Variants in TRPM7 observed in about 807,000 individuals in gnomAD.
The protein encoded by TRPM7 is transient receptor potential cation channel subfamily M member 7, also known as LTRPC ion channel family member 7.
Under a neutral mutation model 229.7 loss-of-function variants are expected in TRPM7, and 134 were observed. The ratio of observed to expected loss-of-function variants is 0.58; its 90% CI spans 0.51 to 0.67. The LOEUF (loss-of-function observed/expected upper bound fraction) is 0.67, where lower values mean the gene tolerates loss of function less well. Among genes scored for constraint, TRPM7 ranks in the 30% least tolerant of loss-of-function variants. The probability of loss-of-function intolerance (pLI) is 0.00; values close to 1 mark genes in which losing one functional copy is unlikely to be tolerated. For missense variants in TRPM7, 1,901 were observed against 2,210.0 expected (o/e 0.86, Z 2.80); for synonymous variants, 699 against 715.2 (o/e 0.98, Z 0.36).
At position 50,614,212 on chromosome 15, in the gene TRPM7, T is replaced by C; in HGVS notation, c.1546A>G (p.Ile516Val). 1.2e-6 allele frequency: 2 copies of C among 1,612,620 alleles called. No homozygotes were observed. The highest frequency in any genetic ancestry group is 1.7e-6 in the Non-Finnish European group (2 of 1,179,174). The change falls in exon 14 of 39, where the codon ATT (isoleucine) becomes GTT (valine). Residue 516 changes from isoleucine (I) to valine (V), a missense_variant. This residue lies in a region of TRPM7 where 794 missense variants were observed against 881.9 expected (regional missense o/e 0.90). Transcript: ENST00000646667. ...TAGGTTCCTCCCATGAGATATTCAA[T>C]AACAAGTCCTATATCAATCAGAGTG... ...KITLIDIGLV[I>V]EYLMGGTYRC...
At chr15:50,588,097 T>TC (rs34891484) in intron 27 of TRPM7, 108,779 of 308,842 alleles carry the variant, frequency 0.35, 21,879 homozygotes, top group Admixed American at 0.47. Flanking sequence ...TTATGATAGG[T>TC]CCGCTGAACC....
chr15:50,640,461 T>C (rs1229503697), intron 5 of TRPM7, among the ~76,000 whole-genome samples: 14 of 150,470 alleles, frequency 9.3e-5, no homozygotes, highest in Admixed American at 7.3e-4. Flanking sequence ...TTCTTTTTTT[T>C]TTTTTTTTTA....
chr15:50,623,727 C>T (rs1567031561), intron 12 of TRPM7, among the ~76,000 whole-genome samples: 1 of 137,542 alleles, frequency 7.3e-6, no homozygotes, highest in African/African-American at 2.7e-5. Context: ...GAGTCCTTTA[C>T]AAAAAAAATG....
chr15:50,590,639 A>G (rs948046312), intron 26 of TRPM7, among the ~76,000 whole-genome samples: 3 of 152,218 alleles, frequency 2.0e-5, no homozygotes, highest in African/African-American at 7.2e-5. Context: ...ACATTAACAA[A>G]TAGGCTAAAA....
intron 27 of TRPM7, among the ~76,000 whole-genome samples, chr15:50,587,948 T>C (rs976427017): frequency 3.9e-5 from 6 of 152,184 alleles, no homozygotes. Context: ...TCTAGCACTT[T>C]TTCTCATTCC....
intron 5 of TRPM7, among the ~76,000 whole-genome samples, chr15:50,642,615 C>G (rs1451124596): frequency 1.1e-4 from 16 of 152,154 alleles, no homozygotes; most frequent in Non-Finnish European, 1.0e-4. Flanking sequence ...TAAGAAGGTG[C>G]CTTGCTTCCC....
At chr15:50,644,294 G>A (rs553096198) in intron 4 of TRPM7, among the ~76,000 whole-genome samples, 2 of 151,928 alleles carry the variant, frequency 1.3e-5, no homozygotes, top group Non-Finnish European at 2.9e-5. Flanking sequence ...TTAACTTCCT[G>A]TTTAAGTGAT....
At chr15:50,631,378 T>C (rs1320064920) in intron 10 of TRPM7, 39 bp downstream of exon 10, 1 of 1,317,652 alleles carries the variant, frequency 7.6e-7, no homozygotes, top group Admixed American at 1.8e-5. Flanking sequence ...ATACATAAAA[T>C]AAAAGGTCTT....
chr15:50,590,978 C>T (rs2059475102), intron 26 of TRPM7, among the ~76,000 whole-genome samples: 1 of 152,134 alleles, frequency 6.6e-6, no homozygotes, highest in African/African-American at 2.4e-5. Context: ...TTTCCATGGG[C>T]TTATTAACAT....
intron 15 of TRPM7, 117 bp downstream of exon 15, chr15:50,613,590 T>C (rs956620823): frequency 3.8e-6 from 3 of 799,750 alleles, no homozygotes; most frequent in South Asian, 2.8e-5. Context: ...CTAGGACATA[T>C]CCAAAAACGA....
In TRPM7 at chr15:50,632,902, T is replaced by C. The variant is rs200590244; in HGVS notation, c.1098A>G (p.Gln366=). Residue 366 remains glutamine, a synonymous_variant, in exon 9 of 39, where the codon CAA becomes CAG. Transcript: ENST00000646667. ...TTCTTTTCATGCACTCCATCAGTGTTTGAAATAAATGAAGTGCTTCATTCT... is the reference window on the plus strand; with the variant it reads ...TTCTTTTCATGCACTCCATCAGTGTCTGAAATAAATGAAGTGCTTCATTCT... The part of the protein sequence containing the change: ...FGQNEALHLF[Q]TLMECMKRKE... 2 of 1,591,140 alleles carry C rather than the reference T, an allele frequency of 1.3e-6. No individual in the cohort carries two copies. The highest frequency in any genetic ancestry group is 1.7e-6 in the Non-Finnish European group (2 of 1,171,320).
At chr15:50,599,986 T>G (rs999626918) in intron 21 of TRPM7, among the ~76,000 whole-genome samples, 30 of 152,250 alleles carry the variant, frequency 2.0e-4, no homozygotes, top group Admixed American at 1.3e-4. Flanking sequence ...AAAAATTATT[T>G]TCATTGTTAA....
chr15:50,589,769 C>T (rs1596117683), intron 26 of TRPM7, 113 bp from the exon 27 acceptor site: 2 of 638,560 alleles, frequency 3.1e-6, no homozygotes, highest in African/African-American at 1.9e-5. Flanking sequence ...TTCAAGTACA[C>T]TTGATGGCTC....
chr15:50,602,333 C>T (rs1464940064), intron 21 of TRPM7, among the ~76,000 whole-genome samples: 1 of 151,534 alleles, frequency 6.6e-6, no homozygotes, highest in African/African-American at 2.4e-5. Context: ...AACTGAACAA[C>T]GAGAACACTT....
At chr15:50,595,253 TACTC>T (rs1046889790) in intron 23 of TRPM7, among the ~76,000 whole-genome samples, 6 of 151,366 alleles carry the variant, frequency 4.0e-5, no homozygotes, top group African/African-American at 1.5e-4. Context: ...AAAAAAAAAA[TACTC>T]AGTGTGGGCC....
intron 31 of TRPM7, among the ~76,000 whole-genome samples, chr15:50,577,547 CCTT>C (rs1244131574): frequency 6.6e-6 from 1 of 152,118 alleles, no homozygotes; most frequent in Non-Finnish European, 1.5e-5. Flanking sequence ...GAGCAAGACT[CCTT>C]CTCACCCGGG....
At chr15:50,622,168 AAAC>A (rs1201074338) in intron 12 of TRPM7, among the ~76,000 whole-genome samples, 1 of 152,214 alleles carries the variant, frequency 6.6e-6, no homozygotes, top group African/African-American at 2.4e-5. Context: ...ACTTTAATAA[AAAC>A]AAATATTTTT....
At chr15:50,649,760 T>C (rs1231036271) in intron 3 of TRPM7, among the ~76,000 whole-genome samples, 2 of 152,112 alleles carry the variant, frequency 1.3e-5, no homozygotes, top group Non-Finnish European at 2.9e-5. Flanking sequence ...GTCTCATTGA[T>C]TTGATATAAT....
chr15:50,599,649 C>A (rs1482185824), intron 21 of TRPM7: 2 of 161,336 alleles, frequency 1.2e-5, no homozygotes, highest in Non-Finnish European at 2.7e-5. Context: ...ATTTCCACAA[C>A]TGCCCTTTCC....
Sources: gnomAD v4.1 joint callset for allele counts (sites outside exome capture counted in the v4.1 genomes callset) on GRCh38, gnomAD v4.1.1 for gene constraint, gnomAD v4.1.1 regional missense constraint, MANE v1.5 for transcripts, NCBI Gene and HGNC (gene_info 2026-07-23, HGNC 2026-07-21) for gene names.